RALYL: variants seen among roughly 807,000 people sequenced by gnomAD.
The protein encoded by RALYL is RALY RNA binding protein like, also known as RNA-binding Raly-like protein.
Under a neutral mutation model 35.1 loss-of-function variants are expected in RALYL, and 29 were observed. The ratio of observed to expected loss-of-function variants is 0.83; its 90% CI spans 0.61 to 1.13. The LOEUF (loss-of-function observed/expected upper bound fraction) is 1.13, where lower values mean the gene tolerates loss of function less well. Among genes scored for constraint, RALYL ranks in the 50% most tolerant of loss-of-function variants. The pLI is 0.00. For missense variants in RALYL, 359 were observed against 360.4 expected (o/e 1.00, Z 0.03); for synonymous variants, 120 against 127.6 (o/e 0.94, Z 0.40).
At chr8:84,737,746 C>G (rs1363253871) in intron 2 of RALYL, among the ~76,000 whole-genome samples, 1 of 151,746 alleles carries the variant, frequency 6.6e-6, no homozygotes, top group Non-Finnish European at 1.5e-5. Context: ...AAGGACAGAT[C>G]CCTTATGATG....
At chr8:84,526,312 C>A (rs1182320129) in intron 1 of RALYL, among the ~76,000 whole-genome samples, 1 of 152,088 alleles carries the variant, frequency 6.6e-6, no homozygotes, top group East Asian at 1.9e-4. Context: ...TGGGTTGTTT[C>A]TGGTTTAGTT....
intron 2 of RALYL, among the ~76,000 whole-genome samples, chr8:84,578,764 C>A (rs922694456): frequency 6.6e-6 from 1 of 152,142 alleles, no homozygotes; most frequent in African/African-American, 2.4e-5. Context: ...GTCAAGGAGA[C>A]CTGAAGTGGT....
chr8:84,268,222 A>G (rs1309036636), intron 1 of RALYL, among the ~76,000 whole-genome samples: 3 of 152,192 alleles, frequency 2.0e-5, no homozygotes, highest in South Asian at 2.1e-4. Flanking sequence ...TCAACGAGAC[A>G]GTCAGACACA....
chr8:84,262,026 C>A (rs2131823111), intron 1 of RALYL, among the ~76,000 whole-genome samples: 1 of 152,182 alleles, frequency 6.6e-6, no homozygotes, highest in South Asian at 2.1e-4. Context: ...AAAAAATGTT[C>A]TTCTACATCA....
At chr8:84,735,402 C>T (rs528603089) in intron 2 of RALYL, among the ~76,000 whole-genome samples, 1 of 151,964 alleles carries the variant, frequency 6.6e-6, no homozygotes, top group East Asian at 1.9e-4. Context: ...AAATTTTTCT[C>T]ATATTAACAT....
At chr8:84,861,537 A>G (rs1423501145) in intron 5 of RALYL, among the ~76,000 whole-genome samples, 1 of 152,184 alleles carries the variant, frequency 6.6e-6, no homozygotes, top group Admixed American at 6.5e-5. Flanking sequence ...TTTTTTTGTT[A>G]AATATGCTTG....
chr8:84,546,646 G>A (rs28499556), intron 2 of RALYL, among the ~76,000 whole-genome samples: 4,471 of 152,218 alleles, frequency 0.029, 111 homozygotes, highest in Middle Eastern at 0.078. Flanking sequence ...GTTTATAAGT[G>A]AGTTGATTAG....
chr8:84,273,942 A>C (rs1343132152), intron 1 of RALYL, among the ~76,000 whole-genome samples: 2 of 152,210 alleles, frequency 1.3e-5, no homozygotes, highest in Admixed American at 6.5e-5. Context: ...AAAACTAGAA[A>C]CCATATAAAA....
chr8:84,279,126 A>T (rs1836010484), intron 1 of RALYL, among the ~76,000 whole-genome samples: 1 of 152,206 alleles, frequency 6.6e-6, no homozygotes, highest in Non-Finnish European at 1.5e-5. Context: ...GCAGCAGGCA[A>T]GAGAGCATGT....
chr8:84,585,872 C>T (rs903882819), intron 2 of RALYL, among the ~76,000 whole-genome samples: 14 of 151,888 alleles, frequency 9.2e-5, no homozygotes, highest in Admixed American at 2.0e-4. Flanking sequence ...TGGGATCAGG[C>T]GTGGAAAGTT....
intron 2 of RALYL, among the ~76,000 whole-genome samples, chr8:84,530,215 G>A (rs538371445): frequency 6.6e-6 from 1 of 151,916 alleles, no homozygotes; most frequent in South Asian, 2.1e-4. Flanking sequence ...TATAATTAAT[G>A]TGTAGATAAA....
intron 1 of RALYL, among the ~76,000 whole-genome samples, chr8:84,343,607 A>C (rs1257665910): frequency 6.6e-6 from 1 of 151,840 alleles, no homozygotes; most frequent in African/African-American, 2.4e-5. Context: ...CTAACACAAT[A>C]TGATTTATTT....
intron 1 of RALYL, among the ~76,000 whole-genome samples, chr8:84,408,006 T>C (rs1189565951): frequency 6.6e-6 from 1 of 151,984 alleles, no homozygotes; most frequent in Admixed American, 6.6e-5. Context: ...CTATAACATA[T>C]CTCAAAACAT....
At chr8:84,791,884 G>A (rs1820861800) in intron 3 of RALYL, among the ~76,000 whole-genome samples, 1 of 152,174 alleles carries the variant, frequency 6.6e-6, no homozygotes, top group Non-Finnish European at 1.5e-5. Context: ...CACTAACAGA[G>A]TGAAACAGGA....
At chr8:84,711,429 A>G (rs1295745512) in intron 2 of RALYL, among the ~76,000 whole-genome samples, 3 of 152,194 alleles carry the variant, frequency 2.0e-5, no homozygotes, top group Non-Finnish European at 2.9e-5. Flanking sequence ...TGACTGGAAG[A>G]CAATCAAATT....
intron 1 of RALYL, among the ~76,000 whole-genome samples, chr8:84,311,152 C>T: frequency 7.8e-6 from 1 of 128,974 alleles, no homozygotes; most frequent in Non-Finnish European, 1.6e-5. Flanking sequence ...TATGTATAAT[C>T]AACTGTAAAA....
intron 4 of RALYL, among the ~76,000 whole-genome samples, chr8:84,838,467 C>T (rs1019362330): frequency 3.7e-4 from 57 of 152,252 alleles, no homozygotes; most frequent in Middle Eastern, 3.4e-3. Context: ...TAGCTTATGA[C>T]CTGAGCCAAC....
intron 8 of RALYL, among the ~76,000 whole-genome samples, chr8:84,917,058 A>G (rs1848591826): frequency 6.6e-6 from 1 of 152,140 alleles, no homozygotes; most frequent in Non-Finnish European, 1.5e-5. Context: ...TACCATATAC[A>G]GTAACTTAAA....
chr8:84,376,880 A>G (rs1055144342), intron 1 of RALYL, among the ~76,000 whole-genome samples: 2 of 151,822 alleles, frequency 1.3e-5, no homozygotes, highest in African/African-American at 4.8e-5. Flanking sequence ...GATGAGTGCC[A>G]AGTTTAGTCA....
Sources: gnomAD v4.1 joint callset for allele counts (sites outside exome capture counted in the v4.1 genomes callset) on GRCh38, gnomAD v4.1.1 for gene constraint, MANE v1.5 for transcripts, NCBI Gene and HGNC (gene_info 2026-07-23, HGNC 2026-07-21) for gene names.